ROBO1: variants seen among roughly 807,000 people sequenced by gnomAD.
ROBO1 encodes roundabout homolog 1.
In ROBO1, 149 loss-of-function variants were observed where a neutral mutation model predicts 195.9. That is an observed-to-expected ratio of 0.76 (90% CI 0.67 to 0.87). ROBO1 has a LOEUF of 0.87. Ranked by LOEUF, ROBO1 falls within the 40% of genes least tolerant of loss-of-function variation. The pLI is 0.00. For synonymous variants in ROBO1, 816 were observed against 733.2 expected, an observed-to-expected ratio of 1.11 and a Z score of -1.82; for missense variants, 1,933 against 2,068.3, an observed-to-expected ratio of 0.93 and a Z score of 1.27.
chr3:79,358,527 C>T (rs1281532469), intron 2 of ROBO1, among the ~76,000 whole-genome samples: 8 of 151,916 alleles, frequency 5.3e-5, no homozygotes, highest in Admixed American at 1.3e-4. Flanking sequence ...TGTTGATCTC[C>T]CAGATAATAC....
chr3:79,068,501 C>T (rs942294011), intron 3 of ROBO1, among the ~76,000 whole-genome samples: 13 of 151,730 alleles, frequency 8.6e-5, no homozygotes, highest in African/African-American at 2.9e-4. Context: ...TTCACTATAC[C>T]TTTACTTTCT....
At chr3:78,973,575 C>CTATA (rs58598961) in intron 3 of ROBO1, among the ~76,000 whole-genome samples, 5,383 of 129,362 alleles carry the variant, frequency 0.042, 193 homozygotes, top group African/African-American at 0.083. Context: ...ATATATGAAG[C>CTATA]TATATATATA....
intron 2 of ROBO1, among the ~76,000 whole-genome samples, chr3:79,329,760 C>A (rs146376966): frequency 6.6e-6 from 1 of 152,088 alleles, no homozygotes; most frequent in African/African-American, 2.4e-5. Flanking sequence ...AATACAAATT[C>A]TTTATTGTCT....
intron 2 of ROBO1, among the ~76,000 whole-genome samples, chr3:79,350,010 G>A (rs755718968): frequency 9.2e-5 from 14 of 151,996 alleles, no homozygotes; most frequent in East Asian, 1.9e-4. Flanking sequence ...CACAACCCAC[G>A]GAATGGGAGA....
chr3:79,071,520 T>C (rs1204912930), intron 3 of ROBO1, among the ~76,000 whole-genome samples: 1 of 151,878 alleles, frequency 6.6e-6, no homozygotes, highest in Non-Finnish European at 1.5e-5. Context: ...ACATAATGTT[T>C]CATTTGGTTG....
chr3:79,505,840 C>A (rs1052821692), intron 2 of ROBO1, among the ~76,000 whole-genome samples: 2 of 152,086 alleles, frequency 1.3e-5, no homozygotes. Context: ...TAAGATTTAG[C>A]TTCAGGGAAG....
In ROBO1 at chr3:79,599,658, A is replaced by T. The variant is rs78572327; in HGVS notation, c.-50-9697T>A. 8.1e-4 allele frequency among the ~76,000 whole-genome samples: 123 copies of T among 152,000 alleles called. 2 individuals are homozygous for T. Among genetic ancestry groups the T allele is most frequent in the Non-Finnish European group, 9.3e-4 (63 of 67,916 alleles). On this transcript the variant is annotated intron_variant, in intron 1 of 30. Transcript: ENST00000464233. ...AGTAAATGCAAAAAAGCTCAAATCA[A>T]TTTTTCACCCTAAACATGTGAGGTT...
At chr3:79,107,961 T>C (rs189942712) in intron 3 of ROBO1, among the ~76,000 whole-genome samples, 21 of 151,902 alleles carry the variant, frequency 1.4e-4, no homozygotes, top group Admixed American at 5.9e-4. Context: ...ATGTAACTTA[T>C]TCTTAATAAA....
chr3:79,490,636 G>C (rs1049157758), intron 2 of ROBO1, among the ~76,000 whole-genome samples: 7 of 152,150 alleles, frequency 4.6e-5, no homozygotes, highest in African/African-American at 1.7e-4. Context: ...AGGCAATTTC[G>C]AAGTGTTGCT....
intron 2 of ROBO1, among the ~76,000 whole-genome samples, chr3:79,188,073 T>C (rs755246093): frequency 6.6e-6 from 1 of 151,994 alleles, no homozygotes; most frequent in Non-Finnish European, 1.5e-5. Flanking sequence ...TGCTCACAGA[T>C]TGCAGTAGAA....
intron 3 of ROBO1, among the ~76,000 whole-genome samples, chr3:79,100,168 C>T (rs1024217872): frequency 6.6e-6 from 1 of 151,644 alleles, no homozygotes; most frequent in Non-Finnish European, 1.5e-5. Flanking sequence ...ATAATGATAC[C>T]AAACACATCT....
intron 2 of ROBO1, among the ~76,000 whole-genome samples, chr3:79,441,748 A>G (rs931996402): frequency 1.3e-5 from 2 of 152,114 alleles, no homozygotes; most frequent in African/African-American, 4.8e-5. Context: ...TAGAGTCTGC[A>G]GAGTGTTAGT....
At chr3:79,680,532 T>C (rs1300833404) in intron 1 of ROBO1, among the ~76,000 whole-genome samples, 2 of 152,092 alleles carry the variant, frequency 1.3e-5, no homozygotes, top group South Asian at 2.1e-4. Flanking sequence ...GAAGTGATTA[T>C]AGTTTTGATT....
chr3:79,350,981 T>C (rs2035319010), intron 2 of ROBO1, among the ~76,000 whole-genome samples: 1 of 152,134 alleles, frequency 6.6e-6, no homozygotes, highest in Non-Finnish European at 1.5e-5. Flanking sequence ...AGTTATGCAC[T>C]GCTGCACCCA....
intron 2 of ROBO1, among the ~76,000 whole-genome samples, chr3:79,507,372 C>A (rs895581357): frequency 2.0e-5 from 3 of 152,152 alleles, no homozygotes; most frequent in African/African-American, 7.2e-5. Context: ...GGTTTTTGTT[C>A]ACTGACTTTC....
At chr3:79,100,004 C>A (rs1238251896) in intron 3 of ROBO1, among the ~76,000 whole-genome samples, 1 of 151,632 alleles carries the variant, frequency 6.6e-6, no homozygotes, top group African/African-American at 2.4e-5. Context: ...TGTATGAAGT[C>A]CAGGGTTAGC....
intron 2 of ROBO1, among the ~76,000 whole-genome samples, chr3:79,313,909 A>C (rs1441597839): frequency 6.6e-6 from 1 of 152,204 alleles, no homozygotes; most frequent in African/African-American, 2.4e-5. Context: ...CACTTGAGGC[A>C]AGCAATAAAG....
chr3:79,426,657 C>A (rs756639813), intron 2 of ROBO1, among the ~76,000 whole-genome samples: 1 of 152,136 alleles, frequency 6.6e-6, no homozygotes, highest in Non-Finnish European at 1.5e-5. Context: ...CGTAAGCCAC[C>A]GTGCCTGGCT....
rs2082058779 is a variant in ROBO1, at chr3:79,216,573, G to T, written c.89-91034C>A. Among the ~76,000 whole-genome samples the T allele has an allele frequency of 2.0e-5, 3 of 151,934 alleles. No individual in the cohort carries two copies. The East Asian group carries it at 5.8e-4, about 29-fold the overall frequency. ...CAAGGGATCCTTTTCCCTTCCTGTG[G>T]AGTACCTCCGAACAGTAATATTTTA... On this transcript the variant is annotated intron_variant, in intron 2 of 30. Coordinates refer to ENST00000464233, the MANE Select transcript of ROBO1 (RefSeq NM_002941.4).
Sources: gnomAD v4.1 joint callset for allele counts (sites outside exome capture counted in the v4.1 genomes callset) on GRCh38, gnomAD v4.1.1 for gene constraint, MANE v1.5 for transcripts, NCBI Gene and HGNC (gene_info 2026-07-23, HGNC 2026-07-21) for gene names.